NPHS2: variants seen among roughly 807,000 people sequenced by gnomAD.
NPHS2 encodes NPHS2 stomatin family member, podocin.
Under a neutral mutation model 37.1 loss-of-function variants are expected in NPHS2, and 36 were observed. That is an observed-to-expected ratio of 0.97 (90% CI 0.74 to 1.28). The LOEUF (loss-of-function observed/expected upper bound fraction) is 1.28. NPHS2 is among the 50% of genes most tolerant of loss of function. NPHS2 has a pLI of 0.00. For missense variants in NPHS2, 447 were observed against 488.1 expected, an observed-to-expected ratio of 0.92 and a Z score of 0.79; for synonymous variants, 196 against 189.3, an observed-to-expected ratio of 1.04 and a Z score of -0.29.
intron 6 of NPHS2, among the ~76,000 whole-genome samples, chr1:179,552,986 C>T (rs753613035): frequency 6.6e-5 from 10 of 152,108 alleles, no homozygotes; most frequent in Non-Finnish European, 1.3e-4. Flanking sequence ...ATCTAAGCCC[C>T]AACTAATAAA....
Position 179,552,600 on chromosome 1 carries a change from C to T in NPHS2, c.873+3G>A, listed in dbSNP as rs777830598. The stretch of plus-strand genomic sequence containing the variant: ...AGTCTGGGTGGGAGGATGGAGTGCT[C>T]ACCCGCACTTTGGCTTGTCTTTGCG... On this transcript the variant is annotated splice_donor_region_variant and intron_variant, in intron 7 of 7. Coordinates refer to ENST00000367615, the MANE Select transcript of NPHS2 (RefSeq NM_014625.4). 3 of 1,612,266 alleles carry T rather than the reference C, an allele frequency of 1.9e-6. No homozygotes were observed. The South Asian group carries it at 3.3e-5, about 18-fold the overall frequency.
In NPHS2 at chr1:179,551,191, T is replaced by G; in HGVS notation, c.1134A>C (p.Lys378Asn). 2 of 1,614,076 alleles carry G rather than the reference T, an allele frequency of 1.2e-6. No individual in the cohort carries two copies. The highest frequency in any genetic ancestry group is 1.7e-6 in the Non-Finnish European group (2 of 1,180,008). The change falls in exon 8 of 8, where the codon AAA (lysine) becomes AAC (asparagine). Residue 378 changes from lysine to asparagine, a missense_variant. Transcript: ENST00000367615. Reference sequence around the variant, plus strand: ...ATCCTTCCTATAACATGGGAGAGTCTTTCTTTTTAGGATTTAGTGGCTCAA... The same window carrying G: ...ATCCTTCCTATAACATGGGAGAGTCGTTCTTTTTAGGATTTAGTGGCTCAA... ...KPVEPLNPKK[K>N]DSPML
intron 3 of NPHS2, among the ~76,000 whole-genome samples, 194 bp downstream of exon 3, chr1:179,561,095 T>C (rs1423622254): frequency 6.6e-6 from 1 of 152,226 alleles, no homozygotes; most frequent in Non-Finnish European, 1.5e-5. Flanking sequence ...ATTCTCTCTC[T>C]TGGCTACCTA....
At chr1:179,571,931 A>C (rs1434882390) in intron 1 of NPHS2, among the ~76,000 whole-genome samples, 1 of 152,114 alleles carries the variant, frequency 6.6e-6, no homozygotes, top group African/African-American at 2.4e-5. Context: ...GGAAAAGCAC[A>C]GTATTTGGGT....
In NPHS2 at chr1:179,575,548, T is replaced by C; in HGVS notation, c.274+43A>G. 1.9e-6 allele frequency: 3 copies of C among 1,598,840 alleles called. No individual in the cohort carries two copies. In the African/African-American group the frequency reaches 4.0e-5, roughly 21 times the overall value. On this transcript the variant is annotated intron_variant, in intron 1 of 7. Transcript: ENST00000367615. ...TTCCACCTTATCTGACGCCCCTTAG[T>C]TACCACCTGGAAAAGTAGCAGATAG... is the stretch of plus-strand genomic sequence containing the variant.
chr1:179,565,774 A>C (rs550351043), intron 1 of NPHS2, among the ~76,000 whole-genome samples: 30 of 125,778 alleles, frequency 2.4e-4, no homozygotes, highest in Middle Eastern at 5.2e-3. Flanking sequence ...CCCTGTGTCC[A>C]AGTGATCTCA....
chr1:179,552,477 T>C (rs887791968), intron 7 of NPHS2, 126 bp downstream of exon 7: 63 of 749,786 alleles, frequency 8.4e-5, no homozygotes, highest in Middle Eastern at 3.5e-4. Context: ...TTTAATAGAG[T>C]TGTAAGGGCC....
At chr1:179,552,846 T>A in intron 6 of NPHS2, 165 bp from the exon 7 acceptor site, 1 of 674,924 alleles carries the variant, frequency 1.5e-6, no homozygotes, top group Non-Finnish European at 2.7e-6. Flanking sequence ...AGTAGGCAGA[T>A]CTCCAAGGTC....
At chr1:179,574,085 A>G (rs528230355) in intron 1 of NPHS2, among the ~76,000 whole-genome samples, 16 of 152,274 alleles carry the variant, frequency 1.1e-4, no homozygotes, top group African/African-American at 3.8e-4. Context: ...AACCTCCCAC[A>G]CAAGGGCTCA....
At position 179,551,377 on chromosome 1, in the gene NPHS2, A is replaced by G; in HGVS notation, c.948T>C (p.Pro316=). 1 of 1,614,000 alleles carries G rather than the reference A, an allele frequency of 6.2e-7. No homozygotes were observed. The highest frequency in any genetic ancestry group is 8.5e-7 in the Non-Finnish European group (1 of 1,179,878). The change falls in exon 8 of 8, where the codon CCT becomes CCC. Residue 316 remains proline, a synonymous_variant. Coordinates refer to ENST00000367615, the MANE Select transcript of NPHS2 (RefSeq NM_014625.4). ...GGAGGTATCGAAGCTGAACGGCAGC[A>G]GGGGTGCCTGACAGAATCTCAGCTG... ...RMAAEILSGT[P]AAVQLRYLHT...
At position 179,551,055 on chromosome 1, in the gene NPHS2, C is replaced by T. The variant is rs564635454; in HGVS notation, c.*118G>A. On this transcript the variant is annotated 3_prime_UTR_variant, in exon 8 of 8. Coordinates refer to ENST00000367615, the MANE Select transcript of NPHS2 (RefSeq NM_014625.4). Reference sequence around the variant, plus strand: ...TGGTGCATTGTGACTTCGTGCATTCCATGGCCATTCCATATGGCAACCAAA... The same window carrying T: ...TGGTGCATTGTGACTTCGTGCATTCTATGGCCATTCCATATGGCAACCAAA... 1.6e-6 allele frequency: 2 copies of T among 1,271,470 alleles called. No homozygotes were observed. Among genetic ancestry groups the T allele is most frequent in the South Asian group, 1.2e-5 (1 of 80,816 alleles). 78.8% of individuals were successfully genotyped at this position (1,271,470 alleles called of 1,614,324 possible).
chr1:179,565,120 A>C (rs1347922992), intron 1 of NPHS2, among the ~76,000 whole-genome samples: 1 of 152,056 alleles, frequency 6.6e-6, no homozygotes, highest in African/African-American at 2.4e-5. Context: ...AAAAAAAATT[A>C]AAAACTAGCT....
chr1:179,564,772 C>T lies in NPHS2; in HGVS notation c.296G>A (p.Gly99Glu), dbSNP rs771349484. ...PEEGTKSSGL[G>E]ACEWLLVLIS... ...GAGGACAAGAAGCCACTCACAGGCC[C>T]CTAAGCCGGAGGATTTGGTACCTTA... The change falls in exon 2 of 8, where the codon GGG becomes GAG. Residue 99 changes from glycine to glutamate, a missense_variant. By Grantham distance (98) the Gly-to-Glu change is moderately conservative (BLOSUM62 -2). Coordinates refer to ENST00000367615, the MANE Select transcript of NPHS2 (RefSeq NM_014625.4). The T allele has an allele frequency of 3.7e-5, 60 of 1,613,756 alleles. No individual in the cohort carries two copies. Among genetic ancestry groups the T allele is most frequent in the Non-Finnish European group, 4.7e-5 (56 of 1,179,924 alleles).
At chr1:179,557,253 G>A in intron 4 of NPHS2, 23 bp from the exon 5 acceptor site, 2 of 1,595,636 alleles carry the variant, frequency 1.3e-6, no homozygotes, top group East Asian at 2.2e-5. Flanking sequence ...AAGTTTGGAT[G>A]ACAGGCTTGA....
chr1:179,568,669 G>C (rs1180948919), intron 1 of NPHS2, among the ~76,000 whole-genome samples: 10 of 151,858 alleles, frequency 6.6e-5, no homozygotes, highest in African/African-American at 1.7e-4. Flanking sequence ...ATCTTTCCTG[G>C]TTTCTCTTGT....
chr1:179,566,442 T>A (rs1282985021), intron 1 of NPHS2, among the ~76,000 whole-genome samples: 7 of 152,250 alleles, frequency 4.6e-5, no homozygotes, highest in African/African-American at 1.7e-4. Flanking sequence ...TTGTTTGAGT[T>A]CTTTGTAGAT....
intron 2 of NPHS2, among the ~76,000 whole-genome samples, chr1:179,563,386 C>G (rs1291204963): frequency 6.6e-6 from 1 of 152,166 alleles, no homozygotes; most frequent in Non-Finnish European, 1.5e-5. Context: ...CAGTTGGAGA[C>G]TTCAATACCC....
chr1:179,552,285 G>T (rs1338430280), intron 7 of NPHS2: 4 of 418,194 alleles, frequency 9.6e-6, no homozygotes, highest in Admixed American at 3.6e-5. Flanking sequence ...GGGTGACTAC[G>T]ATTACCCAGG....
intron 1 of NPHS2, 136 bp downstream of exon 1, chr1:179,575,455 T>A (rs1674720587): frequency 8.1e-7 from 1 of 1,228,010 alleles, no homozygotes; most frequent in Admixed American, 2.0e-5. Context: ...CTTACGCCCT[T>A]CCGTTCCTGG....
Sources: allele counts gnomAD v4.1 joint callset (sites outside exome capture counted in the v4.1 genomes callset), GRCh38; gene constraint gnomAD v4.1.1; transcripts MANE v1.5; gene names NCBI Gene and HGNC (gene_info 2026-07-23, HGNC 2026-07-21).